The following ZFAT variants were observed in gnomAD, a reference collection of about 807,000 sequenced individuals.
The protein encoded by ZFAT is zinc finger and AT-hook domain containing.
A neutral mutation model predicts 117.7 loss-of-function variants in ZFAT; 64 were observed. The observed-to-expected ratio is 0.54, with a 90% confidence interval of 0.44 to 0.67. ZFAT has a LOEUF of 0.67. Among genes scored for constraint, ZFAT ranks in the 30% least tolerant of loss-of-function variants. The pLI is 0.00. For missense variants in ZFAT, 1,433 were observed against 1,584.5 expected (o/e 0.90, Z 1.62); for synonymous variants, 679 against 615.0 (o/e 1.10, Z -1.54).
At chr8:134,706,732 G>T (rs1382552947) in intron 1 of ZFAT, among the ~76,000 whole-genome samples, 1 of 152,052 alleles carries the variant, frequency 6.6e-6, no homozygotes, top group Non-Finnish European at 1.5e-5. Context: ...GTTGCTTGGG[G>T]TGAGGAGCAG....
At chr8:134,822,419 T>C in the ZFAT span, among the ~76,000 whole-genome samples, 2 of 152,146 alleles carry the variant, frequency 1.3e-5, no homozygotes, top group African/African-American at 4.8e-5. Context: ...AGGTCATAAG[T>C]AATAAAGATA....
At chr8:134,759,970 C>CAAAAA in the ZFAT span, among the ~76,000 whole-genome samples, 20 of 53,148 alleles carry the variant, frequency 3.8e-4, no homozygotes, top group East Asian at 6.1e-4. Context: ...GACTCCGTCT[C>CAAAAA]AAAAAAAAAA....
At position 134,690,953 on chromosome 8, in the gene ZFAT, C is replaced by A. The variant is rs192489438; in HGVS notation, c.19+21892G>T. 1.6e-4 allele frequency among the ~76,000 whole-genome samples: 24 copies of A among 152,298 alleles called. 1 individual carries two copies. The East Asian group carries it at 2.5e-3, about 16-fold the overall frequency. ...TCTCCCCACCAGGAACATAAATAAG[C>A]AATTCCATTTTGTTCATGAGAATAA... On this transcript the variant is annotated intron_variant, in intron 1 of 15. Coordinates refer to ENST00000377838, the MANE Select transcript of ZFAT (RefSeq NM_020863.4).
chr8:134,806,797 T>A, the ZFAT span, among the ~76,000 whole-genome samples: 1 of 152,212 alleles, frequency 6.6e-6, no homozygotes, highest in African/African-American at 2.4e-5. Flanking sequence ...GTACAGAAGT[T>A]GAATATTAAG....
chr8:134,693,343 C>A (rs759931367), intron 1 of ZFAT, among the ~76,000 whole-genome samples: 27 of 152,098 alleles, frequency 1.8e-4, no homozygotes, highest in Non-Finnish European at 4.4e-5. Context: ...ACACAACTGG[C>A]CAAATATGGG....
chr8:134,796,788 T>A, the ZFAT span: 1 of 152,218 alleles, frequency 6.6e-6, no homozygotes, highest in Admixed American at 6.5e-5. Context: ...CCACATATCA[T>A]TAATAAATAA....
At chr8:134,568,585 G>T (rs1824649844) in intron 10 of ZFAT, among the ~76,000 whole-genome samples, 1 of 152,194 alleles carries the variant, frequency 6.6e-6, no homozygotes, top group Non-Finnish European at 1.5e-5. Flanking sequence ...AGCTAAAAAA[G>T]AGTCCTAAAA....
intron 1 of ZFAT, among the ~76,000 whole-genome samples, chr8:134,692,708 G>A (rs775461945): frequency 2.6e-5 from 4 of 152,196 alleles, no homozygotes; most frequent in Admixed American, 6.5e-5. Context: ...AATAGGAGAC[G>A]ATCAACCCAA....
chr8:134,484,102 C>T (rs773717199), intron 15 of ZFAT, among the ~76,000 whole-genome samples: 2 of 152,196 alleles, frequency 1.3e-5, no homozygotes, highest in African/African-American at 2.4e-5. Context: ...TAGCTCAGGA[C>T]ACCCTCCTTA....
chr8:134,705,604 A>G (rs908527533), intron 1 of ZFAT, among the ~76,000 whole-genome samples: 1 of 151,364 alleles, frequency 6.6e-6, no homozygotes, highest in African/African-American at 2.4e-5. Flanking sequence ...ATTTCAGCTC[A>G]CTGCAACCTC....
intron 2 of ZFAT, among the ~76,000 whole-genome samples, chr8:134,651,971 G>GA (rs371775525): frequency 0.021 from 3,006 of 145,246 alleles, 119 homozygotes; most frequent in African/African-American, 0.071. Flanking sequence ...GTGCTGAAAT[G>GA]AAAAAAAAAA....
intron 15 of ZFAT, among the ~76,000 whole-genome samples, chr8:134,496,486 T>C (rs1448414902): frequency 6.6e-6 from 1 of 152,136 alleles, no homozygotes; most frequent in Non-Finnish European, 1.5e-5. Context: ...GCTCCTGTGG[T>C]AGGGTATGCA....
At chr8:134,584,028 ATC>A in intron 9 of ZFAT, 23 bp from the exon 10 acceptor site, 1 of 1,547,324 alleles carries the variant, frequency 6.5e-7, no homozygotes, top group Non-Finnish European at 8.7e-7. Context: ...AAATGTATAT[ATC>A]TCTATATATT....
At chr8:134,713,052 C>T (rs1814084963), upstream of ZFAT, 1 of 619,544 alleles carries the variant, frequency 1.6e-6, no homozygotes, top group Non-Finnish European at 2.4e-6. Flanking sequence ...CCCTCCTCCC[C>T]ACGGGGCGCA....
At chr8:134,524,037 C>A (rs922804850) in intron 12 of ZFAT, among the ~76,000 whole-genome samples, 1 of 152,222 alleles carries the variant, frequency 6.6e-6, no homozygotes, top group Admixed American at 6.5e-5. Context: ...CAAGTCCCAG[C>A]ACCCGGCATC....
chr8:134,713,253 G>C (rs948141159), upstream of ZFAT, among the ~76,000 whole-genome samples: 5 of 152,232 alleles, frequency 3.3e-5, no homozygotes, highest in African/African-American at 9.6e-5. Context: ...CGCGGATCTC[G>C]GGGTCAGGAG....
chr8:134,714,900 T>C (rs911368177), upstream of ZFAT, among the ~76,000 whole-genome samples: 1 of 151,454 alleles, frequency 6.6e-6, no homozygotes, highest in Non-Finnish European at 1.5e-5. Flanking sequence ...AGCCACAGAG[T>C]CGCTTCACAG....
intron 7 of ZFAT, chr8:134,599,437 A>T (rs1044297631): frequency 4.3e-6 from 1 of 234,764 alleles, no homozygotes; most frequent in South Asian, 5.2e-5. Context: ...TAGATTTTTT[A>T]AAAATATGTA....
chr8:134,625,986 C>G (rs1000610194), intron 3 of ZFAT, among the ~76,000 whole-genome samples: 1 of 152,232 alleles, frequency 6.6e-6, no homozygotes, highest in Admixed American at 6.5e-5. Context: ...CCTCCAGACA[C>G]CAGCCTACCA....
Sources: allele counts gnomAD v4.1 joint callset (sites outside exome capture counted in the v4.1 genomes callset), GRCh38; gene constraint gnomAD v4.1.1; transcripts MANE v1.5; gene names NCBI Gene and HGNC (gene_info 2026-07-23, HGNC 2026-07-21).